Variants in LRP1B observed in about 807,000 individuals in gnomAD.
LRP1B encodes the protein LDL receptor related protein 1B.
In LRP1B, 217 loss-of-function variants were observed where a neutral mutation model predicts 556.6. The ratio of observed to expected loss-of-function variants is 0.39; its 90% CI spans 0.35 to 0.44. The LOEUF is 0.44. Ranked by LOEUF, LRP1B falls within the 20% of genes least tolerant of loss-of-function variation. The pLI, the probability that LRP1B is intolerant of heterozygous loss-of-function variation, is 1.00. For missense variants in LRP1B, 5,053 were observed against 5,620.8 expected, an observed-to-expected ratio of 0.90 and a Z score of 3.23; for synonymous variants, 2,047 against 1,865.8, an observed-to-expected ratio of 1.10 and a Z score of -2.50.
chr2:140,357,369 T>C (rs528032049), intron 74 of LRP1B, among the ~76,000 whole-genome samples: 3 of 151,494 alleles, frequency 2.0e-5, no homozygotes, highest in Non-Finnish European at 4.4e-5. Flanking sequence ...AAGTTTTAGA[T>C]GCATAAATTA....
intron 1 of LRP1B, among the ~76,000 whole-genome samples, chr2:142,085,039 C>T (rs528394593): frequency 7.4e-4 from 112 of 152,236 alleles, no homozygotes; most frequent in African/African-American, 2.4e-3. Context: ...AAATGAGGCC[C>T]TGAAACTTTT....
chr2:140,758,590 A>T (rs1022587487), intron 35 of LRP1B, among the ~76,000 whole-genome samples: 1 of 152,072 alleles, frequency 6.6e-6, no homozygotes. Context: ...GAGCTAATAG[A>T]TGTCTATTTT....
intron 32 of LRP1B, among the ~76,000 whole-genome samples, chr2:140,778,108 A>G (rs1365180562): frequency 6.6e-6 from 1 of 152,188 alleles, no homozygotes. Context: ...TGACATTTTA[A>G]TATTGTGTCA....
intron 17 of LRP1B, among the ~76,000 whole-genome samples, chr2:140,987,200 C>T (rs1359547487): frequency 6.6e-6 from 1 of 151,960 alleles, no homozygotes; most frequent in African/African-American, 2.4e-5. Flanking sequence ...TATTCGAGTT[C>T]TTAAGGTATC....
At chr2:140,947,413 G>A (rs894791189) in intron 20 of LRP1B, among the ~76,000 whole-genome samples, 3 of 152,154 alleles carry the variant, frequency 2.0e-5, no homozygotes, top group Admixed American at 6.6e-5. Flanking sequence ...AAAGTGCTGA[G>A]CAATTATATG....
chr2:140,536,475 C>T (rs535879298), intron 46 of LRP1B, 106 bp downstream of exon 46: 15 of 1,079,856 alleles, frequency 1.4e-5, no homozygotes, highest in South Asian at 4.4e-5. Context: ...TAATGAGAGA[C>T]ATTAAATAAA....
At chr2:141,007,734 G>A (rs2105376888) in intron 14 of LRP1B, among the ~76,000 whole-genome samples, 1 of 151,500 alleles carries the variant, frequency 6.6e-6, no homozygotes, top group Non-Finnish European at 1.5e-5. Context: ...TCAGAAATAA[G>A]GAATTACTGA....
intron 41 of LRP1B, among the ~76,000 whole-genome samples, chr2:140,659,778 CA>C (rs1267876062): frequency 2.0e-5 from 3 of 151,800 alleles, no homozygotes; most frequent in Non-Finnish European, 4.4e-5. Flanking sequence ...AAGCCAAAAA[CA>C]AAACCACAAA....
At chr2:140,545,151 T>TC (rs1680283060) in intron 43 of LRP1B, among the ~76,000 whole-genome samples, 2 of 151,504 alleles carry the variant, frequency 1.3e-5, no homozygotes, top group South Asian at 4.1e-4. Context: ...TTTTTTTTTT[T>TC]GTAAATTTAA....
In LRP1B at chr2:141,188,457, T is replaced by C. The variant is rs1334142211; in HGVS notation, c.977A>G (p.His326Arg). ...ATCTACTGCTATTGCTTTAGGATTG[T>C]GAAGCTCCAGATCAATCAGGGTGAC... ...VCVTLIDLEL[H>R]NPKAIAVDPI... Residue 326 changes from histidine (H) to arginine (R), a missense_variant, in exon 7 of 91, where the codon CAC becomes CGC. Transcript: ENST00000389484. The C allele has an allele frequency of 1.2e-6, 2 of 1,612,496 alleles. No individual in the cohort carries two copies. Among genetic ancestry groups the C allele is most frequent in the African/African-American group, 1.3e-5 (1 of 74,820 alleles).
intron 18 of LRP1B, among the ~76,000 whole-genome samples, chr2:140,980,788 A>G (rs957933463): frequency 3.3e-5 from 5 of 152,234 alleles, no homozygotes; most frequent in Admixed American, 2.6e-4. Context: ...AGACACATGC[A>G]CACACATGTT....
intron 35 of LRP1B, among the ~76,000 whole-genome samples, chr2:140,727,483 A>G (rs974631761): frequency 6.6e-6 from 1 of 152,208 alleles, no homozygotes; most frequent in African/African-American, 2.4e-5. Flanking sequence ...TTGAGACGAA[A>G]GCAAGGTCAG....
intron 66 of LRP1B, among the ~76,000 whole-genome samples, chr2:140,421,327 G>A (rs1685433688): frequency 1.3e-5 from 2 of 152,250 alleles, no homozygotes; most frequent in African/African-American, 2.4e-5. Flanking sequence ...GTTGTTAAAA[G>A]AATGCATAAA....
chr2:141,241,766 C>T (rs1357439972), intron 5 of LRP1B, among the ~76,000 whole-genome samples: 8 of 151,960 alleles, frequency 5.3e-5, no homozygotes, highest in African/African-American at 1.7e-4. Context: ...TGCACGCATA[C>T]GTGATAGTAA....
At chr2:141,337,173 TC>T (rs1296730940) in intron 3 of LRP1B, among the ~76,000 whole-genome samples, 4 of 152,198 alleles carry the variant, frequency 2.6e-5, no homozygotes, top group Admixed American at 2.0e-4. Context: ...AAGATGAGTT[TC>T]AATTGCTCTG....
chr2:142,105,356 A>G (rs1706710838), intron 1 of LRP1B, among the ~76,000 whole-genome samples: 1 of 152,168 alleles, frequency 6.6e-6, no homozygotes, highest in Non-Finnish European at 1.5e-5. Flanking sequence ...TTGTATACAT[A>G]TCTACCTCTG....
rs371962014 is a variant in LRP1B at position 142,079,462 on chromosome 2, A to AT, written c.82+51185dup. ...ATCTTAACCAAGTATTCAAAATGTG[A>AT]TTTTTCATACATCCAATATTTTCTT... On this transcript the variant is annotated intron_variant, in intron 1 of 90. Coordinates refer to ENST00000389484, the MANE Select transcript of LRP1B (RefSeq NM_018557.3). Among the ~76,000 whole-genome samples the AT allele has an allele frequency of 2.9e-3, 446 of 151,918 alleles. 3 individuals are homozygous for AT. The highest frequency in any genetic ancestry group is 9.6e-3 in the African/African-American group (396 of 41,462).
At chr2:140,357,891 A>G in intron 74 of LRP1B, 88 bp downstream of exon 74, 1 of 1,461,854 alleles carries the variant, frequency 6.8e-7, no homozygotes, top group Non-Finnish European at 9.4e-7. Flanking sequence ...TTGAAGAGCA[A>G]TATTTCCATC....
chr2:141,840,929 A>AG (rs943999665), intron 1 of LRP1B, among the ~76,000 whole-genome samples: 17 of 69,514 alleles, frequency 2.4e-4, no homozygotes, highest in Admixed American at 5.2e-4. Flanking sequence ...CCATGCATCT[A>AG]GGGAAAAAAA....
Sources: gnomAD v4.1 joint callset for allele counts (sites outside exome capture counted in the v4.1 genomes callset) on GRCh38, gnomAD v4.1.1 for gene constraint, MANE v1.5 for transcripts, NCBI Gene and HGNC (gene_info 2026-07-23, HGNC 2026-07-21) for gene names.